The following ZNF521 variants were observed in gnomAD, a reference collection of about 807,000 sequenced individuals.
ZNF521 encodes the protein zinc finger protein 521.
A neutral mutation model predicts 105.5 loss-of-function variants in ZNF521; 14 were observed. The ratio of observed to expected loss-of-function variants is 0.13; its 90% confidence interval spans 0.09 to 0.21. The LOEUF (loss-of-function observed/expected upper bound fraction) is 0.21, where lower values mean the gene tolerates loss of function less well. Among genes scored for constraint, ZNF521 ranks in the 10% least tolerant of loss-of-function variants. ZNF521 has a pLI of 1.00. For synonymous variants in ZNF521, 635 were observed against 606.0 expected (o/e 1.05, Z -0.70); for missense variants, 1,233 against 1,629.7 (o/e 0.76, Z 4.19).
chr18:25,237,298 C>T (rs995876222), intron 3 of ZNF521, among the ~76,000 whole-genome samples: 14 of 152,100 alleles, frequency 9.2e-5, no homozygotes, highest in African/African-American at 2.9e-4. Flanking sequence ...AAGTGCTAAT[C>T]GTAGTAATTT....
chr18:25,141,555 T>A (rs2034848538), intron 5 of ZNF521, among the ~76,000 whole-genome samples: 1 of 152,224 alleles, frequency 6.6e-6, no homozygotes, highest in Non-Finnish European at 1.5e-5. Flanking sequence ...ATGAAGCGAA[T>A]AACTTACTGC....
At chr18:25,075,654 T>G (rs559232882) in intron 7 of ZNF521, among the ~76,000 whole-genome samples, 195 of 152,330 alleles carry the variant, frequency 1.3e-3, no homozygotes, top group African/African-American at 4.4e-3. Context: ...GGTATATATT[T>G]CAGACTCACC....
intron 2 of ZNF521, among the ~76,000 whole-genome samples, chr18:25,337,865 G>C (rs1913976832): frequency 1.3e-5 from 2 of 152,102 alleles, no homozygotes; most frequent in South Asian, 2.1e-4. Flanking sequence ...CCAGCAGCTG[G>C]GGATGGACTA....
intron 5 of ZNF521, among the ~76,000 whole-genome samples, chr18:25,188,900 C>T (rs1183725852): frequency 3.3e-5 from 5 of 152,240 alleles, no homozygotes; most frequent in African/African-American, 1.2e-4. Flanking sequence ...CCACAATCCT[C>T]AGCCTCACAG....
chr18:25,124,022 T>G, intron 5 of ZNF521, among the ~76,000 whole-genome samples: 1 of 152,170 alleles, frequency 6.6e-6, no homozygotes, highest in East Asian at 1.9e-4. Context: ...AAGAAATCTG[T>G]GTCCTGGCCC....
At position 25,342,414 on chromosome 18, in the gene ZNF521, T is replaced by TG. The variant is rs1350574098; in HGVS notation, c.40+8492_40+8493insC. ...TTTTCCTTTTCTTTCCTTTGTTTTT[T>TG]TTTTGTTTGTTTGTTTGTTTTTTTT... On this transcript the variant is annotated intron_variant, in intron 2 of 7. Transcript: ENST00000361524. 1.5e-3 allele frequency among the ~76,000 whole-genome samples: 125 copies of TG among 85,680 alleles called. 1 individual carries two copies. Among genetic ancestry groups the TG allele is most frequent in the Non-Finnish European group, 2.0e-3 (74 of 36,808 alleles). 56.2% of individuals were successfully genotyped at this position (85,680 alleles called of 152,430 possible).
At position 25,147,545 on chromosome 18, in the gene ZNF521, A is replaced by G. The variant is rs565916472; in HGVS notation, c.3658+47615T>C. Among the ~76,000 whole-genome samples, 21 of 152,314 alleles carry G rather than the reference A, an allele frequency of 1.4e-4. No homozygotes were observed. In the East Asian group the frequency reaches 3.7e-3, roughly 27 times the overall value. On this transcript the variant is annotated intron_variant, in intron 5 of 7. Coordinates refer to ENST00000361524, the MANE Select transcript of ZNF521 (RefSeq NM_015461.3). ...AGACAAAATGGCATTGTGGGATTAC[A>G]TTAGTTCGACAGCTGCTTTATGACT...
intron 3 of ZNF521, among the ~76,000 whole-genome samples, chr18:25,284,107 G>C (rs1363923589): frequency 6.6e-6 from 1 of 152,152 alleles, no homozygotes; most frequent in African/African-American, 2.4e-5. Flanking sequence ...GCTCCCTCCT[G>C]ATAAGGTCAG....
At chr18:25,217,950 C>T (rs1905437116) in intron 4 of ZNF521, among the ~76,000 whole-genome samples, 1 of 152,100 alleles carries the variant, frequency 6.6e-6, no homozygotes, top group Non-Finnish European at 1.5e-5. Flanking sequence ...AGGTGGAAGA[C>T]AGTCAAGAGG....
intron 7 of ZNF521, among the ~76,000 whole-genome samples, chr18:25,072,139 A>C (rs1034265090): frequency 4.6e-5 from 7 of 152,218 alleles, no homozygotes; most frequent in African/African-American, 1.4e-4. Flanking sequence ...AACGAGCTGG[A>C]AAAGCCCATG....
intron 7 of ZNF521, among the ~76,000 whole-genome samples, chr18:25,069,805 G>T (rs1466077561): frequency 6.6e-6 from 1 of 152,196 alleles, no homozygotes; most frequent in African/African-American, 2.4e-5. Context: ...GAATCTGCTA[G>T]AATGAAGTTC....
chr18:25,336,009 T>C (rs546613695), intron 2 of ZNF521, among the ~76,000 whole-genome samples: 2 of 152,180 alleles, frequency 1.3e-5, no homozygotes, highest in South Asian at 2.1e-4. Context: ...ACCTGAACAG[T>C]TAGGATTTAC....
intron 3 of ZNF521, among the ~76,000 whole-genome samples, chr18:25,304,597 C>A (rs1911865544): frequency 6.6e-6 from 1 of 152,100 alleles, no homozygotes; most frequent in Non-Finnish European, 1.5e-5. Flanking sequence ...AGAATTTGAC[C>A]TCGGGGTCTT....
At chr18:25,116,787 C>A (rs994963258) in intron 5 of ZNF521, among the ~76,000 whole-genome samples, 6 of 150,836 alleles carry the variant, frequency 4.0e-5, no homozygotes, top group African/African-American at 1.5e-4. Flanking sequence ...TCAGTTATGT[C>A]TGACTTGAAG....
Position 25,201,427 on chromosome 18 carries a change from A to G in ZNF521, c.3574-6183T>C, listed in dbSNP as rs990686030. ...CTAATTACCACTTTCTATTGCTGGA[A>G]AATGTTCAGCAGACCCCTGGCTTTA... On this transcript the variant is annotated intron_variant, in intron 4 of 7. Transcript: ENST00000361524. 2.0e-5 allele frequency: 3 copies of G among 152,318 alleles called. No individual in the cohort carries two copies. The East Asian group carries it at 5.8e-4, about 29-fold the overall frequency. The allele number at this position is 152,318 out of a possible 1,614,324, so 9.4% of individuals were successfully genotyped here. A position where few individuals can be genotyped will look rare whatever the true frequency, so the allele number is the denominator to read the frequency against.
chr18:25,350,907 C>T lies in ZNF521; in HGVS notation c.40G>A (p.Asp14Asn). 6.4e-7 allele frequency: 1 copy of T among 1,551,106 alleles called. No homozygotes were observed. The highest frequency in any genetic ancestry group is 8.7e-7 in the Non-Finnish European group (1 of 1,146,526). Residue 14 changes from aspartate to asparagine, a missense_variant and splice_region_variant, in exon 2 of 8, where the codon GAC becomes AAC. By Grantham distance (23) the Asp-to-Asn change is conservative (BLOSUM62 1). Coordinates refer to ENST00000361524, the MANE Select transcript of ZNF521 (RefSeq NM_015461.3). ...CGGGGAGCAGGGGGTTCCTCCTTACCTTTGAGGGATCTCGGTTTCGCTTGC... is the reference window on the plus strand; with the variant it reads ...CGGGGAGCAGGGGGTTCCTCCTTACTTTTGAGGGATCTCGGTTTCGCTTGC... ...RKQAKPRSLK[D>N]PNCKLEDKTE...
intron 3 of ZNF521, among the ~76,000 whole-genome samples, chr18:25,303,799 A>G (rs913596600): frequency 6.6e-6 from 1 of 152,230 alleles, no homozygotes; most frequent in African/African-American, 2.4e-5. Flanking sequence ...TATCTGAGAT[A>G]GTCAATTATT....
intron 4 of ZNF521, among the ~76,000 whole-genome samples, chr18:25,223,637 GT>G (rs576139889): frequency 1.3e-5 from 2 of 150,840 alleles, no homozygotes; most frequent in South Asian, 2.2e-4. Flanking sequence ...AAATGAACTT[GT>G]TTTTTGTACT....
intron 3 of ZNF521, among the ~76,000 whole-genome samples, chr18:25,258,410 C>T (rs563766366): frequency 6.6e-6 from 1 of 152,102 alleles, no homozygotes; most frequent in South Asian, 2.1e-4. Context: ...CTGAAAGGTG[C>T]AAATGGCAGG....
Sources: gnomAD v4.1 joint callset for allele counts (sites outside exome capture counted in the v4.1 genomes callset) on GRCh38, gnomAD v4.1.1 for gene constraint, MANE v1.5 for transcripts, NCBI Gene and HGNC (gene_info 2026-07-23, HGNC 2026-07-21) for gene names.